Variants in ATRNL1 observed in about 807,000 individuals in gnomAD.
The protein encoded by ATRNL1 is attractin like 1, also known as attractin-like protein 1.
A neutral mutation model predicts 182.7 loss-of-function variants in ATRNL1; 95 were observed. The ratio of observed to expected loss-of-function variants is 0.52; its 90% confidence interval spans 0.44 to 0.62. ATRNL1 has a LOEUF of 0.62. Ranked by LOEUF, ATRNL1 falls within the 20% of genes least tolerant of loss-of-function variation. The probability of loss-of-function intolerance (pLI) is 0.00; values close to 1 mark genes in which losing one functional copy is unlikely to be tolerated. For missense variants in ATRNL1, 1,471 were observed against 1,679.5 expected (o/e 0.88, Z 2.17); for synonymous variants, 576 against 568.3 (o/e 1.01, Z -0.19).
chr10:115,279,752 G>A (rs1311995489), intron 13 of ATRNL1, among the ~76,000 whole-genome samples: 1 of 152,166 alleles, frequency 6.6e-6, no homozygotes, highest in African/African-American at 2.4e-5. Context: ...AAATTAAGAG[G>A]TGTAGACCAA....
In ATRNL1 at chr10:115,203,023, G is replaced by A. The variant is rs1432156998; in HGVS notation, c.1349-12674G>A. 2.0e-5 allele frequency among the ~76,000 whole-genome samples: 3 copies of A among 152,008 alleles called. 1 individual carries two copies. Among genetic ancestry groups the A allele is most frequent in the Non-Finnish European group, 2.9e-5 (2 of 68,008 alleles). On this transcript the variant is annotated intron_variant, in intron 8 of 28. Transcript: ENST00000355044. ...AGATTTTCTAGTTTATTTGCGTAAA[G>A]GTGTTTGTAGTATTCTCTGATGGTA...
At chr10:115,715,726 G>A (rs901492425) in intron 26 of ATRNL1, among the ~76,000 whole-genome samples, 1 of 152,184 alleles carries the variant, frequency 6.6e-6, no homozygotes, top group Admixed American at 6.5e-5. Context: ...AAATACCAAT[G>A]TGAAGTTCCG....
intron 9 of ATRNL1, among the ~76,000 whole-genome samples, chr10:115,228,320 G>A (rs1220718850): frequency 6.6e-6 from 1 of 152,132 alleles, no homozygotes; most frequent in Non-Finnish European, 1.5e-5. Context: ...AGGAGTTCCT[G>A]TTGCTCAAAA....
chr10:115,759,806 G>A (rs1260641468), intron 27 of ATRNL1, among the ~76,000 whole-genome samples: 6 of 144,964 alleles, frequency 4.1e-5, no homozygotes, highest in Non-Finnish European at 7.5e-5. Context: ...CTCCTGAGTA[G>A]CTGGGATTAC....
chr10:115,668,988 G>GA (rs1435957904), intron 26 of ATRNL1, among the ~76,000 whole-genome samples: 2 of 151,948 alleles, frequency 1.3e-5, no homozygotes, highest in Non-Finnish European at 2.9e-5. Context: ...ACTAGATCCA[G>GA]AAAAAAATGC....
intron 21 of ATRNL1, among the ~76,000 whole-genome samples, chr10:115,432,941 G>A (rs1418202614): frequency 6.6e-6 from 1 of 151,868 alleles, no homozygotes; most frequent in Non-Finnish European, 1.5e-5. Flanking sequence ...TAGAATGAGA[G>A]TACATAAAGT....
At chr10:115,840,023 G>A (rs1950766935) in intron 27 of ATRNL1, among the ~76,000 whole-genome samples, 2 of 152,190 alleles carry the variant, frequency 1.3e-5, no homozygotes, top group Non-Finnish European at 1.5e-5. Context: ...TTTGGAAAAG[G>A]GAAAACAAAC....
intron 8 of ATRNL1, among the ~76,000 whole-genome samples, chr10:115,201,061 T>C (rs1848555826): frequency 6.6e-6 from 1 of 151,896 alleles, no homozygotes; most frequent in Admixed American, 6.6e-5. Flanking sequence ...CTTTGGCCAC[T>C]TTTTGGTGGG....
chr10:115,113,000 T>C (rs1554868625), intron 1 of ATRNL1, among the ~76,000 whole-genome samples: 2 of 152,214 alleles, frequency 1.3e-5, no homozygotes. Flanking sequence ...CTTGAAGTAT[T>C]TCTTGGAAGA....
chr10:115,819,572 T>C (rs1555089622), intron 27 of ATRNL1, among the ~76,000 whole-genome samples: 1 of 152,114 alleles, frequency 6.6e-6, no homozygotes. Context: ...AATCCATCCC[T>C]TTTTTATTAT....
intron 27 of ATRNL1, among the ~76,000 whole-genome samples, chr10:115,802,050 CA>C (rs67222513): frequency 0.73 from 103,418 of 142,350 alleles, 37,487 homozygotes; most frequent in Admixed American, 0.79. Context: ...ACACACAAAA[CA>C]AAAAAAAACA....
chr10:115,837,356 T>C (rs1185459327), intron 27 of ATRNL1, among the ~76,000 whole-genome samples: 1 of 151,930 alleles, frequency 6.6e-6, no homozygotes, highest in Non-Finnish European at 1.5e-5. Flanking sequence ...CTCCGTCTAC[T>C]AACATCCTTT....
At chr10:115,303,258 T>G (rs959314853) in intron 17 of ATRNL1, among the ~76,000 whole-genome samples, 2 of 133,612 alleles carry the variant, frequency 1.5e-5, no homozygotes, top group Admixed American at 8.4e-5. Flanking sequence ...GGAGTCTCAC[T>G]CTGTGGCCCA....
chr10:115,114,742 G>A (rs957911198), intron 1 of ATRNL1, among the ~76,000 whole-genome samples: 2 of 151,754 alleles, frequency 1.3e-5, no homozygotes, highest in Admixed American at 6.6e-5. Context: ...GAAAGATAAC[G>A]TGTTGGTGAG....
At chr10:115,223,927 A>ATTTTTTTTTTT (rs1849582902) in intron 9 of ATRNL1, among the ~76,000 whole-genome samples, 6 of 38,166 alleles carry the variant, frequency 1.6e-4, no homozygotes, top group Non-Finnish European at 2.7e-4. Context: ...ATATATATAT[A>ATTTTTTTTTTT]TATTTTTTTT....
At chr10:115,439,537 G>A (rs1846565693) in intron 21 of ATRNL1, among the ~76,000 whole-genome samples, 1 of 151,794 alleles carries the variant, frequency 6.6e-6, no homozygotes, top group Admixed American at 6.6e-5. Context: ...TAGTTTTCCA[G>A]TCATTTATTT....
chr10:115,542,050 G>A (rs1222051116), intron 25 of ATRNL1, among the ~76,000 whole-genome samples: 3 of 152,120 alleles, frequency 2.0e-5, no homozygotes, highest in Non-Finnish European at 4.4e-5. Flanking sequence ...TGTATACATT[G>A]TCCTTTGTCA....
At chr10:115,926,520 C>A (rs201300720) in intron 28 of ATRNL1, among the ~76,000 whole-genome samples, 1 of 151,502 alleles carries the variant, frequency 6.6e-6, no homozygotes, top group East Asian at 1.9e-4. Context: ...ATAACTAAAC[C>A]AATAAACAAG....
chr10:115,203,187 A>T (rs2144322280), intron 8 of ATRNL1, among the ~76,000 whole-genome samples: 1 of 152,256 alleles, frequency 6.6e-6, no homozygotes, highest in East Asian at 1.9e-4. Context: ...AACAATGATG[A>T]ATTTCTTTTA....
Sources: allele counts gnomAD v4.1 joint callset (sites outside exome capture counted in the v4.1 genomes callset), GRCh38; gene constraint gnomAD v4.1.1; transcripts MANE v1.5; gene names NCBI Gene and HGNC (gene_info 2026-07-23, HGNC 2026-07-21).